The following SUPT20H variants were observed in gnomAD, a reference collection of about 807,000 sequenced individuals.
SUPT20H encodes the protein transcription factor SPT20 homolog.
Under a neutral mutation model 122.8 loss-of-function variants are expected in SUPT20H, and 82 were observed. That is an observed-to-expected ratio of 0.67 (90% CI 0.56 to 0.80). The LOEUF is 0.80. Among genes scored for constraint, SUPT20H ranks in the 30% least tolerant of loss-of-function variants. The probability of loss-of-function intolerance (pLI) is 0.00; values close to 1 mark genes in which losing one functional copy is unlikely to be tolerated. For missense variants in SUPT20H, 831 were observed against 921.6 expected (o/e 0.90, Z 1.27); for synonymous variants, 291 against 313.0 (o/e 0.93, Z 0.74).
intron 5 of SUPT20H, 122 bp from the exon 6 acceptor site, chr13:37,045,495 G>T: frequency 8.0e-7 from 1 of 1,249,918 alleles, no homozygotes; most frequent in Non-Finnish European, 1.1e-6. Context: ...TTATGATTCT[G>T]AATAAATGGA....
At chr13:37,023,053 AGAAAG>A in intron 19 of SUPT20H, 1 of 1,282,256 alleles carries the variant, frequency 7.8e-7, no homozygotes, top group Non-Finnish European at 1.0e-6. Flanking sequence ...TCCTGCAGAA[AGAAAG>A]GAAAGAAATG....
intron 14 of SUPT20H, among the ~76,000 whole-genome samples, chr13:37,027,430 A>T (rs574327445): frequency 4.6e-5 from 7 of 152,166 alleles, no homozygotes; most frequent in Admixed American, 3.3e-4. Flanking sequence ...CCTTTCATTG[A>T]CTTTTACCTA....
chr13:37,027,666 T>C (rs530790828), intron 14 of SUPT20H, among the ~76,000 whole-genome samples: 12 of 152,264 alleles, frequency 7.9e-5, no homozygotes, highest in African/African-American at 2.9e-4. Context: ...GTACCAAATA[T>C]ATGTAGTTCA....
intron 15 of SUPT20H, 69 bp downstream of exon 15, chr13:37,026,720 CA>C: frequency 1.1e-6 from 1 of 894,630 alleles, no homozygotes. Flanking sequence ...GTATATTTAG[CA>C]AGTCTTTTTA....
In SUPT20H at chr13:37,028,180, A is replaced by G. The variant is rs1253606003; in HGVS notation, c.1119T>C (p.Asp373=). Reference sequence around the variant, plus strand: ...GAGACATCTGGCTGTCACTTTCTTCATCTGCTTTACATGGCTGTATTTTAC... The same window carrying G: ...GAGACATCTGGCTGTCACTTTCTTCGTCTGCTTTACATGGCTGTATTTTAC... The part of the protein sequence containing the change: ...YYGKIQPCKA[D]EESDSQMSPS... The change falls in exon 14 of 26, where the codon GAT becomes GAC. Residue 373 remains aspartate, a synonymous_variant. Transcript: ENST00000350612. 1 of 1,610,444 alleles carries G rather than the reference A, an allele frequency of 6.2e-7. No individual in the cohort carries two copies. Among genetic ancestry groups the G allele is most frequent in the East Asian group, 2.2e-5 (1 of 44,712 alleles).
In SUPT20H at chr13:37,024,348, C is replaced by G. The variant is rs751210676; in HGVS notation, c.1424G>C (p.Ser475Thr). 1.4e-5 allele frequency: 22 copies of G among 1,582,092 alleles called. No individual in the cohort carries two copies. In the South Asian group the frequency reaches 2.4e-4, roughly 17 times the overall value. Reference protein sequence around the residue: ...PIKLPSSSGNSSSGNYFTPQQ... With the variant: ...PIKLPSSSGNTSSGNYFTPQQ... ...ACTAAGAAATGTAATACCTGAGGAA[C>G]TATTTCCTGAGCTTGAGGGAAGTTT... Residue 475 changes from serine (S) to threonine (T), a missense_variant, in exon 18 of 26, where the codon AGT becomes ACT. Transcript: ENST00000350612.
chr13:37,017,768 G>T (rs893623913), intron 22 of SUPT20H, among the ~76,000 whole-genome samples: 1 of 152,074 alleles, frequency 6.6e-6, no homozygotes, highest in Non-Finnish European at 1.5e-5. Context: ...ATTTGTTCTA[G>T]TTTTGCCAAA....
At chr13:37,037,748 C>T (rs188156501) in intron 9 of SUPT20H, among the ~76,000 whole-genome samples, 1 of 152,324 alleles carries the variant, frequency 6.6e-6, no homozygotes, top group African/African-American at 2.4e-5. Flanking sequence ...TACCCAATTC[C>T]AAACATACAG....
intron 4 of SUPT20H, 30 bp from the exon 5 acceptor site, chr13:37,047,631 A>C: frequency 7.4e-7 from 1 of 1,346,872 alleles, no homozygotes; most frequent in Non-Finnish European, 1.0e-6. Context: ...CAAATATATA[A>C]AATGTTAACA....
rs570386619 is a variant in SUPT20H at position 37,022,232 on chromosome 13, A to G, written c.1592-152T>C. On this transcript the variant is annotated intron_variant, in intron 19 of 25. Transcript: ENST00000350612. The surrounding 1 kb of genome is among the most constrained non-coding windows in gnomAD (Gnocchi z 4.5). ...GGGGAGTAGGGGTGGCTGAAGGGGT[A>G]CTAGGAGTTGAGCTCTGAGCATCAG... 51 of 1,562,760 alleles carry G rather than the reference A, an allele frequency of 3.3e-5. No individual in the cohort carries two copies. In the South Asian group the frequency reaches 5.9e-4, roughly 18 times the overall value.
At chr13:37,029,570 T>C (rs1330283561) in intron 13 of SUPT20H, among the ~76,000 whole-genome samples, 195 bp downstream of exon 13, 1 of 151,934 alleles carries the variant, frequency 6.6e-6, no homozygotes, top group Non-Finnish European at 1.5e-5. Context: ...AATAAAAAAT[T>C]GCTGTTTAAA....
At position 37,009,378 on chromosome 13, in the gene SUPT20H, A is replaced by G. The variant is rs1356398434; in HGVS notation, c.*294T>C. ...TGCACAAACGTTTTATACTAAATAA[A>G]TATCAAACTACATTCTTCTGAAAGA... On this transcript the variant is annotated 3_prime_UTR_variant, in exon 26 of 26. Coordinates refer to ENST00000350612, the MANE Select transcript of SUPT20H (RefSeq NM_001014286.3). 1.2e-6 allele frequency: 1 copy of G among 800,058 alleles called. No individual in the cohort carries two copies. The highest frequency in any genetic ancestry group is 2.0e-6 in the Non-Finnish European group (1 of 488,146). The allele number at this position is 800,058 out of a possible 1,614,324, so 49.6% of individuals were successfully genotyped here.
intron 21 of SUPT20H, among the ~76,000 whole-genome samples, chr13:37,020,478 A>T (rs2061324909): frequency 6.6e-6 from 1 of 152,128 alleles, no homozygotes; most frequent in Non-Finnish European, 1.5e-5. Context: ...AGGGGGAAAA[A>T]TTTAGTGACT....
At chr13:37,012,362 A>G in intron 23 of SUPT20H, 65 bp from the exon 24 acceptor site, 3 of 1,343,452 alleles carry the variant, frequency 2.2e-6, no homozygotes, top group Non-Finnish European at 3.2e-6. Context: ...GGTGAAAAGA[A>G]ATCAGTATTT....
intron 1 of SUPT20H, among the ~76,000 whole-genome samples, chr13:37,054,583 C>T (rs2068516550): frequency 6.6e-6 from 1 of 152,186 alleles, no homozygotes; most frequent in Non-Finnish European, 1.5e-5. Context: ...ATGCTAAAAA[C>T]TCTCAATAAA....
At chr13:37,054,758 T>G (rs1400223391) in intron 1 of SUPT20H, among the ~76,000 whole-genome samples, 2 of 152,218 alleles carry the variant, frequency 1.3e-5, no homozygotes, top group Non-Finnish European at 2.9e-5. Flanking sequence ...TGTTGGAAGT[T>G]CTGGCCAGGG....
intron 2 of SUPT20H, 49 bp from the exon 3 acceptor site, chr13:37,048,648 A>C (rs1415652001): frequency 6.7e-7 from 1 of 1,495,010 alleles, no homozygotes; most frequent in Non-Finnish European, 9.1e-7. Context: ...TTTCCACAAA[A>C]AAATTTAATA....
intron 1 of SUPT20H, among the ~76,000 whole-genome samples, chr13:37,052,224 G>C (rs2139256203): frequency 6.6e-6 from 1 of 152,214 alleles, no homozygotes; most frequent in South Asian, 2.1e-4. Context: ...GTATAGCCAA[G>C]ACAATCCTAA....
At chr13:37,054,044 T>C (rs2068357390) in intron 1 of SUPT20H, among the ~76,000 whole-genome samples, 1 of 152,138 alleles carries the variant, frequency 6.6e-6, no homozygotes, top group Non-Finnish European at 1.5e-5. Flanking sequence ...CCTCGACACA[T>C]ACACCCTCCC....
Sources: allele counts gnomAD v4.1 joint callset (sites outside exome capture counted in the v4.1 genomes callset), GRCh38; gene constraint gnomAD v4.1.1; non-coding constraint Gnocchi (gnomAD v3.1); transcripts MANE v1.5; gene names NCBI Gene and HGNC (gene_info 2026-07-23, HGNC 2026-07-21).